CELSR1: variants seen among roughly 807,000 people sequenced by gnomAD.
CELSR1 encodes adhesion G protein-coupled receptor C1.
A neutral mutation model predicts 249.1 loss-of-function variants in CELSR1; 110 were observed. The observed-to-expected ratio is 0.44, with a 90% CI of 0.38 to 0.52. The LOEUF (loss-of-function observed/expected upper bound fraction) is 0.52. Ranked by LOEUF, CELSR1 falls within the 20% of genes least tolerant of loss-of-function variation. The pLI, the probability that CELSR1 is intolerant of heterozygous loss-of-function variation, is 0.00. For missense variants in CELSR1, 4,109 were observed against 4,296.4 expected (o/e 0.96, Z 1.22); for synonymous variants, 2,113 against 1,900.0 (o/e 1.11, Z -2.92).
intron 2 of CELSR1, among the ~76,000 whole-genome samples, chr22:46,439,650 G>T (rs1455630104): frequency 1.3e-5 from 2 of 152,252 alleles, no homozygotes; most frequent in Admixed American, 1.3e-4. Flanking sequence ...AAGGATGGTG[G>T]CCAGGGGGTT....
At chr22:46,474,631 T>C (rs1486328122) in intron 1 of CELSR1, among the ~76,000 whole-genome samples, 1 of 152,154 alleles carries the variant, frequency 6.6e-6, no homozygotes, top group African/African-American at 2.4e-5. Flanking sequence ...CAATACAATA[T>C]TATTAACCAT....
chr22:46,411,897 C>T lies in CELSR1; in HGVS notation c.4612-138G>A, dbSNP rs911494377. On this transcript the variant is annotated intron_variant, in intron 5 of 34. Coordinates refer to ENST00000674500, the MANE Select transcript of CELSR1 (RefSeq NM_001378328.1). This position sits in a 1 kb window ranked among gnomAD's most constrained non-coding sequence, Gnocchi z 4.2. ...AGACAAGGGATGAGGAGCCCCCGGCCTTTAGTTCCCCAAACTAGCTGTGCT... is the reference window on the plus strand; with the variant it reads ...AGACAAGGGATGAGGAGCCCCCGGCTTTTAGTTCCCCAAACTAGCTGTGCT... 2 of 1,054,852 alleles carry T rather than the reference C, an allele frequency of 1.9e-6. No individual in the cohort carries two copies. The highest frequency in any genetic ancestry group is 4.1e-5 in the Admixed American group (2 of 49,260). The allele number at this position is 1,054,852 out of a possible 1,614,324, so 65.3% of individuals were successfully genotyped here. A position where few individuals can be genotyped will look rare whatever the true frequency, so the allele number is the denominator to read the frequency against.
At position 46,441,237 on chromosome 22, in the gene CELSR1, TA is replaced by T. The variant is rs2079744836; in HGVS notation, c.4184-1827del. On this transcript the variant is annotated intron_variant, in intron 2 of 34. Transcript: ENST00000674500. This position sits in a 1 kb window ranked among gnomAD's most constrained non-coding sequence, Gnocchi z 6.1. ...AGGATACTCAGTGCATAACCCAGCA[TA>T]CCCTTCAAATGGCAGCATCTTCCTG... Among the ~76,000 whole-genome samples the T allele has an allele frequency of 1.3e-5, 2 of 151,260 alleles. No individual in the cohort carries two copies. The highest frequency in any genetic ancestry group is 4.9e-5 in the African/African-American group (2 of 41,090).
intron 1 of CELSR1, chr22:46,530,646 A>G (rs1362697138): frequency 1.3e-5 from 2 of 152,200 alleles, no homozygotes; most frequent in African/African-American, 4.8e-5. Flanking sequence ...TTTGAATTTC[A>G]CTATCTTCTG....
rs1386213376 is a variant in CELSR1 at position 46,430,796 on chromosome 22, C to CA, written c.4611+2596dup. ...CTCCCAACCTGACTGGTCCTGCCCC[C>CA]AGCTCAGGTGCACTCCAGAGGAGGC... On this transcript the variant is annotated intron_variant, in intron 5 of 34. Transcript: ENST00000674500. This position sits in a 1 kb window ranked among gnomAD's most constrained non-coding sequence, Gnocchi z 4.6. Among the ~76,000 whole-genome samples, 5 of 152,154 alleles carry CA rather than the reference C, an allele frequency of 3.3e-5. No homozygotes were observed. Among genetic ancestry groups the CA allele is most frequent in the African/African-American group, 1.2e-4 (5 of 41,436 alleles).
rs907249981 is a variant in CELSR1 at position 46,407,357 on chromosome 22, A to G, written c.5226+1639T>C. Among the ~76,000 whole-genome samples the G allele has an allele frequency of 2.7e-4, 41 of 152,170 alleles. 2 individuals carry two copies. Among genetic ancestry groups the G allele is most frequent in the Admixed American group, 2.7e-3 (41 of 15,276 alleles). The stretch of plus-strand genomic sequence containing the variant: ...CACACACACAAACTTGGAGAAAAGC[A>G]TAAGAGTCACATCTGTAATCCCAGC... On this transcript the variant is annotated intron_variant, in intron 9 of 34. Coordinates refer to ENST00000674500, the MANE Select transcript of CELSR1 (RefSeq NM_001378328.1). This position sits in a 1 kb window ranked among gnomAD's most constrained non-coding sequence, Gnocchi z 4.8.
rs754094473 is a variant in CELSR1 at position 46,409,777 on chromosome 22, G to T, written c.5037C>A (p.Phe1679Leu). ...NMYLCECPLRFGGKNCEQAMP... is the reference protein window; with the variant it reads ...NMYLCECPLRLGGKNCEQAMP... Reference sequence around the variant, plus strand: ...CACCTTGCTCACAGTTCTTCCCGCCGAATCGGAGTGGACACTCACACAGAT... The same window carrying T: ...CACCTTGCTCACAGTTCTTCCCGCCTAATCGGAGTGGACACTCACACAGAT... The change falls in exon 8 of 35, where the codon TTC becomes TTA. Residue 1679 changes from phenylalanine to leucine, a missense_variant. Phe to Leu is a conservative substitution (Grantham distance 22, BLOSUM62 0). Coordinates refer to ENST00000674500, the MANE Select transcript of CELSR1 (RefSeq NM_001378328.1). This position sits in a 1 kb window ranked among gnomAD's most constrained non-coding sequence, Gnocchi z 9.8. 3.7e-6 allele frequency: 6 copies of T among 1,613,716 alleles called. No individual in the cohort carries two copies. In the East Asian group the frequency reaches 1.3e-4, roughly 36 times the overall value.
chr22:46,534,334 G>C lies in CELSR1; in HGVS notation c.2837C>G (p.Thr946Arg). 6.2e-7 allele frequency: 1 copy of C among 1,613,006 alleles called. No individual in the cohort carries two copies. Among genetic ancestry groups the C allele is most frequent in the Non-Finnish European group, 8.5e-7 (1 of 1,180,034 alleles). ...GCGCTGGGTGCGAATCACACCGGAC[G>C]TGGGCTCGATGTAGAAGTCCCCATC... ...DGDGDFYIEPTSGVIRTQRRL... is the reference protein window; with the variant it reads ...DGDGDFYIEPRSGVIRTQRRL... The change falls in exon 1 of 35, where the codon ACG (threonine) becomes AGG (arginine). Residue 946 changes from threonine (T) to arginine (R), a missense_variant. Transcript: ENST00000674500. The surrounding 1 kb of genome is among the most constrained non-coding windows in gnomAD (Gnocchi z 9.7).
rs571358018 is a variant in CELSR1, at chr22:46,513,363, G to A, written c.3544+20264C>T. On this transcript the variant is annotated intron_variant, in intron 1 of 34. Coordinates refer to ENST00000674500, the MANE Select transcript of CELSR1 (RefSeq NM_001378328.1). The stretch of plus-strand genomic sequence containing the variant: ...ACAAGTTCAAAAGCATTCCCCACGT[G>A]GGGTCCTGAGTTTTACAGGACACTT... Among the ~76,000 whole-genome samples, 3 of 152,208 alleles carry A rather than the reference G, an allele frequency of 2.0e-5. No homozygotes were observed. The South Asian group carries it at 6.2e-4, about 32-fold the overall frequency.
chr22:46,397,563 G>T, intron 12 of CELSR1, 111 bp downstream of exon 12: 1 of 1,021,884 alleles, frequency 9.8e-7, no homozygotes, highest in South Asian at 2.4e-5. Flanking sequence ...GGGCTCCACG[G>T]AACCACAGGG....
In CELSR1 at chr22:46,363,821, C is replaced by T. The variant is rs1262567897; in HGVS notation, c.9035+175G>A. On this transcript the variant is annotated intron_variant, in intron 34 of 34. Coordinates refer to ENST00000674500, the MANE Select transcript of CELSR1 (RefSeq NM_001378328.1). The surrounding 1 kb of genome is among the most constrained non-coding windows in gnomAD (Gnocchi z 4.3). ...GGGGGTCTGCCCATCTCCGGGGTAT[C>T]CTCCTGACCTCAGCTGCAGCGCCTC... 1 of 825,810 alleles carries T rather than the reference C, an allele frequency of 1.2e-6. No individual in the cohort carries two copies. The highest frequency in any genetic ancestry group is 1.8e-6 in the Non-Finnish European group (1 of 553,174). 51.2% of individuals were successfully genotyped at this position (825,810 alleles called of 1,614,324 possible). A position where few individuals can be genotyped will look rare whatever the true frequency, so the allele number is the denominator to read the frequency against.
chr22:46,534,227 A>G lies in CELSR1; in HGVS notation c.2944T>C (p.Ser982Pro). 6.2e-7 allele frequency: 1 copy of G among 1,613,718 alleles called. No individual in the cohort carries two copies. Among genetic ancestry groups the G allele is most frequent in the Non-Finnish European group, 8.5e-7 (1 of 1,180,020 alleles). The change falls in exon 1 of 35, where the codon TCG becomes CCG. Residue 982 changes from serine to proline, a missense_variant. By Grantham distance (74) the Ser-to-Pro change is moderately conservative. This residue lies in a region of CELSR1 where 886 missense variants were observed against 896.5 expected (regional missense o/e 0.99). Coordinates refer to ENST00000674500, the MANE Select transcript of CELSR1 (RefSeq NM_001378328.1). The surrounding 1 kb of genome is among the most constrained non-coding windows in gnomAD (Gnocchi z 9.7). ...AAGATGGTCACCTGGATTTCTACCGAGGCGCTAAGGGGAGTGGGACTGCCC... is the reference window on the plus strand; with the variant it reads ...AAGATGGTCACCTGGATTTCTACCGGGGCGCTAAGGGGAGTGGGACTGCCC... ...DRGSPTPLSA[S>P]VEIQVTILDI... is the part of the protein sequence containing the mutation.
intron 24 of CELSR1, among the ~76,000 whole-genome samples, chr22:46,375,357 T>C (rs2078907469): frequency 6.6e-6 from 1 of 152,036 alleles, no homozygotes; most frequent in Non-Finnish European, 1.5e-5. Context: ...TTCTCCCTTC[T>C]GGAGACGTCA....
At chr22:46,498,749 T>C (rs898867151) in intron 1 of CELSR1, among the ~76,000 whole-genome samples, 1 of 151,982 alleles carries the variant, frequency 6.6e-6, no homozygotes, top group African/African-American at 2.4e-5. Flanking sequence ...ATTTCAGGGA[T>C]GGTGGGAGAG....
Position 46,536,822 on chromosome 22 carries a change from G to T in CELSR1, c.349C>A (p.Arg117Ser), listed in dbSNP as rs1010023278. 59 of 1,204,618 alleles carry T rather than the reference G, an allele frequency of 4.9e-5. No individual in the cohort carries two copies. The Middle Eastern group carries it at 1.3e-3, about 28-fold the overall frequency. 74.6% of individuals were successfully genotyped at this position (1,204,618 alleles called of 1,614,324 possible). The change falls in exon 1 of 35, where the codon CGT becomes AGT. Residue 117 changes from arginine to serine, a missense_variant. Physicochemically the swap from Arg to Ser is moderately radical, Grantham distance 110. Transcript: ENST00000674500. ...ARTHLPGCGA[R>S]ARLCGTGARL... ...GCACCGGTTCCGCAGAGCCGGGCAC[G>T]GGCTCCGCAGCCGGGAAGGTGCGTG... is the stretch of plus-strand genomic sequence containing the variant.
At chr22:46,522,133 C>T (rs1412778857) in intron 1 of CELSR1, among the ~76,000 whole-genome samples, 1 of 152,024 alleles carries the variant, frequency 6.6e-6, no homozygotes, top group African/African-American at 2.4e-5. Context: ...CCTGCAAAAG[C>T]GTGTATGTGT....
chr22:46,491,633 CTCTCT>C (rs545511822), intron 1 of CELSR1, among the ~76,000 whole-genome samples: 511 of 53,960 alleles, frequency 9.5e-3, no homozygotes, highest in Admixed American at 0.011. Context: ...TATTCTCTCT[CTCTCT>C]TTTTTTTTTT....
rs369413360 is a variant in CELSR1, at chr22:46,383,824, G to A, written c.6883+719C>T. 1.4e-4 allele frequency among the ~76,000 whole-genome samples: 21 copies of A among 152,266 alleles called. No homozygotes were observed. In the East Asian group the frequency reaches 1.5e-3, roughly 11 times the overall value. On this transcript the variant is annotated intron_variant, in intron 20 of 34. Coordinates refer to ENST00000674500, the MANE Select transcript of CELSR1 (RefSeq NM_001378328.1). ...TGGGGTTACAGGCATGAGCCACTGCGCCCAGCTAGAAGCAGCTTTTCACTG... is the reference window on the plus strand; with the variant it reads ...TGGGGTTACAGGCATGAGCCACTGCACCCAGCTAGAAGCAGCTTTTCACTG...
At position 46,534,374 on chromosome 22, in the gene CELSR1, C is replaced by T; in HGVS notation, c.2797G>A (p.Gly933Ser). Residue 933 changes from glycine to serine, a missense_variant, in exon 1 of 35, where the codon GGT (glycine) becomes AGT (serine). Transcript: ENST00000674500. The surrounding 1 kb of genome is among the most constrained non-coding windows in gnomAD (Gnocchi z 9.7). ...PNGRLLYTFQGGDDGDGDFYI... is the reference protein window; with the variant it reads ...PNGRLLYTFQSGDDGDGDFYI... Reference sequence around the variant, plus strand: ...AAGTCCCCATCGCCGTCGTCCCCACCCTGGAAGGTGTACAGCAGACGCCCA... The same window carrying T: ...AAGTCCCCATCGCCGTCGTCCCCACTCTGGAAGGTGTACAGCAGACGCCCA... 1.2e-6 allele frequency: 2 copies of T among 1,612,882 alleles called. No individual in the cohort carries two copies. The highest frequency in any genetic ancestry group is 2.7e-5 in the African/African-American group (2 of 75,070).
Sources: gnomAD v4.1 joint callset for allele counts (sites outside exome capture counted in the v4.1 genomes callset) on GRCh38, gnomAD v4.1.1 for gene constraint, gnomAD v4.1.1 regional missense constraint, Gnocchi (gnomAD v3.1) non-coding constraint, MANE v1.5 for transcripts, NCBI Gene and HGNC (gene_info 2026-07-23, HGNC 2026-07-21) for gene names.